Variants in TOP3A observed in about 807,000 individuals in gnomAD.
TOP3A encodes DNA topoisomerase 3-alpha.
Under a neutral mutation model 111.3 loss-of-function variants are expected in TOP3A, and 64 were observed. That is an observed-to-expected ratio of 0.57 (90% CI 0.47 to 0.71). TOP3A has a LOEUF of 0.71. TOP3A is among the 30% of genes least tolerant of loss of function. The pLI, the probability that TOP3A is intolerant of heterozygous loss-of-function variation, is 0.00. For missense variants in TOP3A, 1,104 were observed against 1,285.0 expected (o/e 0.86, Z 2.15); for synonymous variants, 484 against 485.1 (o/e 1.00, Z 0.03).
At chr17:18,297,569 C>T (rs371368227) in intron 9 of TOP3A, among the ~76,000 whole-genome samples, 3 of 152,196 alleles carry the variant, frequency 2.0e-5, no homozygotes, top group Admixed American at 6.5e-5. Flanking sequence ...ATTGCAGGCG[C>T]GCGCCGCCAC....
At chr17:18,275,353 T>C (rs1188701013) in intron 18 of TOP3A, among the ~76,000 whole-genome samples, 3 of 137,212 alleles carry the variant, frequency 2.2e-5, no homozygotes, top group Non-Finnish European at 4.8e-5. Flanking sequence ...ACTTTTTTTT[T>C]TTTTTTTTTT....
intron 10 of TOP3A, among the ~76,000 whole-genome samples, chr17:18,294,374 G>A (rs1980664476): frequency 6.6e-6 from 1 of 151,590 alleles, no homozygotes; most frequent in Admixed American, 6.6e-5. Context: ...TCACTCACCA[G>A]GCTGGAGTGC....
intron 17 of TOP3A, among the ~76,000 whole-genome samples, chr17:18,279,325 C>T (rs77852913): frequency 2.6e-5 from 4 of 151,832 alleles, no homozygotes; most frequent in African/African-American, 7.3e-5. Flanking sequence ...GGTGCAATCT[C>T]GGCTCACTGA....
chr17:18,301,178 C>T (rs923423497), intron 8 of TOP3A, among the ~76,000 whole-genome samples: 1 of 152,168 alleles, frequency 6.6e-6, no homozygotes, highest in African/African-American at 2.4e-5. Flanking sequence ...TGACTCTGTG[C>T]AGCCCCTGGG....
chr17:18,314,864 A>C lies in TOP3A; in HGVS notation c.-86T>G. 3.2e-4 allele frequency: 254 copies of C among 796,340 alleles called. No individual in the cohort carries two copies. The highest frequency in any genetic ancestry group is 8.7e-4 in the Middle Eastern group (2 of 2,294). 49.3% of individuals were successfully genotyped at this position (796,340 alleles called of 1,614,324 possible). On this transcript the variant is annotated 5_prime_UTR_variant, in exon 1 of 19. Transcript: ENST00000321105. ...ATGAGGCTCAAATGGCGCCCACCGA[A>C]AGGGAACCAGAGCCTCGCTTCGGTC...
intron 3 of TOP3A, 66 bp downstream of exon 3, chr17:18,308,285 A>G (rs1337231894): frequency 9.5e-7 from 1 of 1,053,344 alleles, no homozygotes; most frequent in Middle Eastern, 2.2e-4. Context: ...AACATGCCTC[A>G]AAATTCCTGT....
chr17:18,291,550 A>G (rs1980476780), intron 11 of TOP3A, among the ~76,000 whole-genome samples: 1 of 152,238 alleles, frequency 6.6e-6, no homozygotes, highest in South Asian at 2.1e-4. Context: ...GAGAACCACA[A>G]AAATATTTAT....
At chr17:18,281,150 G>A (rs1979732187) in intron 16 of TOP3A, among the ~76,000 whole-genome samples, 1 of 152,094 alleles carries the variant, frequency 6.6e-6, no homozygotes, top group Non-Finnish European at 1.5e-5. Flanking sequence ...ATCCCATCCC[G>A]GTCTCTCCTG....
chr17:18,314,546 C>T (rs1202971460), intron 1 of TOP3A, 53 bp downstream of exon 1: 7 of 1,553,554 alleles, frequency 4.5e-6, no homozygotes, highest in Non-Finnish European at 6.1e-6. Context: ...CACGCTGTCC[C>T]GCTCGGTGGG....
At chr17:18,308,590 A>G (rs8074858) in intron 2 of TOP3A, 166 bp from the exon 3 acceptor site, 12,434 of 542,292 alleles carry the variant, frequency 0.023, 852 homozygotes, top group African/African-American at 0.17. Flanking sequence ...TCACAGGAAT[A>G]CAATCACCAT....
intron 1 of TOP3A, 140 bp from the exon 2 acceptor site, chr17:18,309,081 A>C (rs1247986835): frequency 2.7e-5 from 13 of 480,132 alleles, no homozygotes; most frequent in Non-Finnish European, 4.4e-5. Flanking sequence ...TCCAAAGAAG[A>C]TAAGAAATGG....
intron 9 of TOP3A, among the ~76,000 whole-genome samples, chr17:18,297,779 T>C (rs1356786520): frequency 6.6e-6 from 1 of 151,422 alleles, no homozygotes; most frequent in Non-Finnish European, 1.5e-5. Flanking sequence ...GCTACAACCT[T>C]CACCTCCCAG....
intron 13 of TOP3A, among the ~76,000 whole-genome samples, chr17:18,286,537 A>G (rs1299564415): frequency 6.6e-6 from 1 of 152,038 alleles, no homozygotes; most frequent in Non-Finnish European, 1.5e-5. Context: ...CAAAAAAACA[A>G]CCAAAAAAAC....
rs147482378 is a variant in TOP3A, at chr17:18,279,907, T to C, written c.2144+629A>G. On this transcript the variant is annotated intron_variant, in intron 17 of 18. Coordinates refer to ENST00000321105, the MANE Select transcript of TOP3A (RefSeq NM_004618.5). ...GGCTCACATCTATAATCCCAGCACTTTGGGAGGCCAAGGTGGGTGGATCAC... is the reference window on the plus strand; with the variant it reads ...GGCTCACATCTATAATCCCAGCACTCTGGGAGGCCAAGGTGGGTGGATCAC... Among the ~76,000 whole-genome samples, 287 of 152,148 alleles carry C rather than the reference T, an allele frequency of 1.9e-3. 7 individuals carry two copies. In the East Asian group the frequency reaches 0.046, roughly 24 times the overall value.
rs1432573544 is a variant in TOP3A at position 18,291,015 on chromosome 17, G to A, written c.1294C>T (p.Arg432Ter). The A allele has an allele frequency of 2.5e-6, 4 of 1,614,034 alleles. No homozygotes were observed. Among genetic ancestry groups the A allele is most frequent in the East Asian group, 2.2e-5 (1 of 44,878 alleles). The change falls in exon 12 of 19, where the codon CGA becomes TGA. Residue 432 changes from arginine (R) to a stop codon, truncating the protein, a stop_gained. Transcript: ENST00000321105. LOFTEE classifies it high-confidence loss of function. ...TGGCGAACAATAAACTCGTACAGTCGCTGTTCATCTCCCTAGGAAGAAAAG... is the reference window on the plus strand; with the variant it reads ...TGGCGAACAATAAACTCGTACAGTCACTGTTCATCTCCCTAGGAAGAAAAG... Reference protein sequence around the residue: ...YTNNLQGDEQRLYEFIVRHFL... With the variant: ...YTNNLQGDEQ
intron 18 of TOP3A, 21 bp downstream of exon 18, chr17:18,277,654 C>T (rs1252401840): frequency 6.3e-6 from 10 of 1,588,926 alleles, no homozygotes; most frequent in Non-Finnish European, 8.6e-6. Context: ...GCAGGGATTC[C>T]CATGCCCCTC....
At chr17:18,277,539 G>A in intron 18 of TOP3A, 136 bp downstream of exon 18, 1 of 896,174 alleles carries the variant, frequency 1.1e-6, no homozygotes, top group Non-Finnish European at 1.7e-6. Context: ...GTGAGGAAAA[G>A]TGAGGTGCAA....
At position 18,294,655 on chromosome 17, in the gene TOP3A, T is replaced by A. The variant is rs200323332; in HGVS notation, c.1073+48A>T. 5.1e-5 allele frequency: 71 copies of A among 1,388,162 alleles called. No individual in the cohort carries two copies. In the East Asian group the frequency reaches 9.0e-4, roughly 18 times the overall value. 86.0% of individuals were successfully genotyped at this position (1,388,162 alleles called of 1,614,324 possible). A position where few individuals can be genotyped will look rare whatever the true frequency, so the allele number is the denominator to read the frequency against. ...TAAACTCTATTTCTCAAATATTTCA[T>A]CCTGATAAAGACGGTTCAAATTCTA... On this transcript the variant is annotated intron_variant, in intron 10 of 18. Transcript: ENST00000321105.
intron 15 of TOP3A, among the ~76,000 whole-genome samples, chr17:18,284,302 G>A (rs536002201): frequency 4.8e-4 from 73 of 151,838 alleles, no homozygotes; most frequent in African/African-American, 1.6e-3. Flanking sequence ...GTGAGCCACC[G>A]TGCCTGACCC....
Sources: gnomAD v4.1 joint callset for allele counts (sites outside exome capture counted in the v4.1 genomes callset) on GRCh38, gnomAD v4.1.1 for gene constraint, MANE v1.5 for transcripts, NCBI Gene and HGNC (gene_info 2026-07-23, HGNC 2026-07-21) for gene names.